RALYL: variants seen among roughly 807,000 people sequenced by gnomAD.
RALYL encodes the protein RALY RNA binding protein like.
A neutral mutation model predicts 35.1 loss-of-function variants in RALYL; 29 were observed. The observed-to-expected ratio is 0.83, with a 90% CI of 0.61 to 1.13. RALYL has a LOEUF of 1.13. RALYL is among the 50% of genes most tolerant of loss of function. The pLI is 0.00. For missense variants in RALYL, 359 were observed against 360.4 expected (o/e 1.00, Z 0.03); for synonymous variants, 120 against 127.6 (o/e 0.94, Z 0.40).
chr8:84,312,561 G>A (rs1272515435), intron 1 of RALYL, among the ~76,000 whole-genome samples: 1 of 152,156 alleles, frequency 6.6e-6, no homozygotes, highest in East Asian at 1.9e-4. Context: ...GGAGAAAATT[G>A]GCCAAAACAA....
chr8:84,770,013 A>G (rs963435954), intron 2 of RALYL, among the ~76,000 whole-genome samples: 1 of 152,016 alleles, frequency 6.6e-6, no homozygotes, highest in Non-Finnish European at 1.5e-5. Context: ...GGTAAACTTC[A>G]TCCTGAATTC....
At chr8:84,547,400 C>T (rs1236584911) in intron 2 of RALYL, among the ~76,000 whole-genome samples, 1 of 150,684 alleles carries the variant, frequency 6.6e-6, no homozygotes, top group Non-Finnish European at 1.5e-5. Flanking sequence ...TTTTTTGAGA[C>T]GGAGTCTCGC....
chr8:84,523,960 A>G (rs2058680745), intron 1 of RALYL, among the ~76,000 whole-genome samples: 2 of 152,044 alleles, frequency 1.3e-5, no homozygotes, highest in African/African-American at 4.8e-5. Context: ...ATTGTGAATA[A>G]TGCTGCAATA....
At chr8:84,754,373 G>A (rs1810862445) in intron 2 of RALYL, among the ~76,000 whole-genome samples, 1 of 152,128 alleles carries the variant, frequency 6.6e-6, no homozygotes, top group South Asian at 2.1e-4. Context: ...GGTGGGCCCA[G>A]GAGGAATCTG....
intron 8 of RALYL, among the ~76,000 whole-genome samples, chr8:84,898,893 T>C (rs145991301): frequency 6.4e-4 from 98 of 152,330 alleles, no homozygotes; most frequent in African/African-American, 2.2e-3. Flanking sequence ...GTTAGGACAC[T>C]TCCTTCAGTG....
chr8:84,804,728 C>A (rs11784597), intron 3 of RALYL, 42 bp from the exon 4 acceptor site: 718,656 of 1,039,888 alleles, frequency 0.69, 251,962 homozygotes, highest in East Asian at 0.88. Context: ...GAATATACAG[C>A]AAATTTTTAT....
chr8:84,883,187 C>T (rs1012887812), intron 7 of RALYL, among the ~76,000 whole-genome samples: 3 of 151,858 alleles, frequency 2.0e-5, no homozygotes, highest in Admixed American at 2.0e-4. Context: ...ATTTAGCTTT[C>T]AAGTTAATGA....
At chr8:84,504,490 T>C (rs958331008) in intron 1 of RALYL, among the ~76,000 whole-genome samples, 1 of 152,122 alleles carries the variant, frequency 6.6e-6, no homozygotes, top group East Asian at 1.9e-4. Context: ...TGTACATAAA[T>C]AAAAGGCCAA....
chr8:84,704,479 AC>A (rs111978122), intron 2 of RALYL, among the ~76,000 whole-genome samples: 6,657 of 102,780 alleles, frequency 0.065, 277 homozygotes, highest in African/African-American at 0.17. Flanking sequence ...ACACACACAC[AC>A]ACAACAACTC....
chr8:84,556,861 G>A (rs968967464), intron 2 of RALYL, among the ~76,000 whole-genome samples: 3 of 152,166 alleles, frequency 2.0e-5, no homozygotes, highest in African/African-American at 7.2e-5. Flanking sequence ...CGACCACACC[G>A]ACCAAAGCCT....
chr8:84,881,849 T>A lies in RALYL; in HGVS notation c.686-5755T>A, dbSNP rs552334879. ...TGGTTATTGAAGAGATTTGAAGTATTCCCTTGGTATGTCAAATTAGGCCTT... is the reference window on the plus strand; with the variant it reads ...TGGTTATTGAAGAGATTTGAAGTATACCCTTGGTATGTCAAATTAGGCCTT... On this transcript the variant is annotated intron_variant, in intron 7 of 8. Transcript: ENST00000521268. 2.0e-5 allele frequency among the ~76,000 whole-genome samples: 3 copies of A among 152,040 alleles called. No individual in the cohort carries two copies. In the South Asian group the frequency reaches 6.2e-4, roughly 31 times the overall value.
intron 1 of RALYL, among the ~76,000 whole-genome samples, chr8:84,478,535 A>C (rs917684837): frequency 5.3e-5 from 8 of 152,180 alleles, no homozygotes; most frequent in Admixed American, 2.6e-4. Context: ...TCTACATATC[A>C]GATCATATAT....
At chr8:84,400,941 A>G (rs1247195436) in intron 1 of RALYL, among the ~76,000 whole-genome samples, 1 of 152,184 alleles carries the variant, frequency 6.6e-6, no homozygotes, top group African/African-American at 2.4e-5. Context: ...TTTAATTGGT[A>G]TTCCTTCTCA....
chr8:84,517,185 A>G (rs1029067657), intron 1 of RALYL, among the ~76,000 whole-genome samples: 8 of 152,210 alleles, frequency 5.3e-5, no homozygotes, highest in Non-Finnish European at 1.2e-4. Flanking sequence ...CCCCAATGCA[A>G]GCTATCACAG....
intron 1 of RALYL, among the ~76,000 whole-genome samples, chr8:84,403,562 A>T: frequency 1.1e-5 from 1 of 94,748 alleles, no homozygotes; most frequent in East Asian, 3.1e-4. Context: ...TTTAACCAGT[A>T]CCATGCTGTT....
chr8:84,881,848 T>C (rs1842215434), intron 7 of RALYL, among the ~76,000 whole-genome samples: 1 of 151,958 alleles, frequency 6.6e-6, no homozygotes, highest in Admixed American at 6.6e-5. Context: ...ATTTGAAGTA[T>C]TCCCTTGGTA....
chr8:84,861,629 A>G (rs866823627), intron 5 of RALYL, among the ~76,000 whole-genome samples: 24 of 152,214 alleles, frequency 1.6e-4, no homozygotes, highest in Non-Finnish European at 2.2e-4. Context: ...ATCTTGATAA[A>G]TATTTCCCAC....
intron 2 of RALYL, among the ~76,000 whole-genome samples, chr8:84,678,120 G>C (rs1834588555): frequency 6.6e-6 from 1 of 151,966 alleles, no homozygotes; most frequent in Admixed American, 6.6e-5. Flanking sequence ...AAAGCACTTT[G>C]CTTTTCACCC....
chr8:84,868,274 C>T lies in RALYL; in HGVS notation c.572-5010C>T, dbSNP rs1839548767. Among the ~76,000 whole-genome samples, 2 of 152,100 alleles carry T rather than the reference C, an allele frequency of 1.3e-5. 1 individual carries two copies. Among genetic ancestry groups the T allele is most frequent in the South Asian group, 4.1e-4 (2 of 4,822 alleles). ...CAGGCTGGAATGCAGTGGCATGTAA[C>T]CTCAAACTCCTGCACTCAAGCTATC... is the stretch of plus-strand genomic sequence containing the variant. On this transcript the variant is annotated intron_variant, in intron 6 of 8. Coordinates refer to ENST00000521268, the MANE Select transcript of RALYL (RefSeq NM_173848.7).
Sources: gnomAD v4.1 joint callset for allele counts (sites outside exome capture counted in the v4.1 genomes callset) on GRCh38, gnomAD v4.1.1 for gene constraint, MANE v1.5 for transcripts, NCBI Gene and HGNC (gene_info 2026-07-23, HGNC 2026-07-21) for gene names.